Variants in ARFGEF1 observed in about 807,000 individuals in gnomAD.
ARFGEF1 encodes the protein ARF guanine nucleotide exchange factor 1.
In ARFGEF1, 42 loss-of-function variants were observed where a neutral mutation model predicts 231.0. That is an observed-to-expected ratio of 0.18 (90% CI 0.14 to 0.24). ARFGEF1 has a LOEUF of 0.24. ARFGEF1 is among the 10% of genes least tolerant of loss of function. ARFGEF1 has a pLI of 1.00. For synonymous variants in ARFGEF1, 710 were observed against 732.3 expected (o/e 0.97, Z 0.49); for missense variants, 1,345 against 2,192.0 (o/e 0.61, Z 7.72).
At chr8:67,274,306 G>A (rs1805223164) in intron 9 of ARFGEF1, among the ~76,000 whole-genome samples, 1 of 145,546 alleles carries the variant, frequency 6.9e-6, no homozygotes, top group Admixed American at 6.8e-5. Context: ...ATGTAACTAC[G>A]AAAGCTTGAC....
intron 19 of ARFGEF1, 115 bp from the exon 20 acceptor site, chr8:67,240,405 T>C (rs1265859615): frequency 3.9e-6 from 4 of 1,031,418 alleles, no homozygotes; most frequent in Non-Finnish European, 5.4e-6. Context: ...TTGGCAGTTA[T>C]CTAGAAAGCT....
chr8:67,192,510 G>A (rs1836650427), intron 5 of ARFGEF1, among the ~76,000 whole-genome samples: 1 of 151,930 alleles, frequency 6.6e-6, no homozygotes, highest in Admixed American at 6.6e-5. Flanking sequence ...CTTTCTTGAT[G>A]GTGTTCTTTG....
chr8:67,205,198 C>T (rs1242765943), intron 34 of ARFGEF1, among the ~76,000 whole-genome samples: 2 of 152,076 alleles, frequency 1.3e-5, no homozygotes, highest in Admixed American at 6.6e-5. Flanking sequence ...GATTGTAAGT[C>T]GCCCAGCATT....
chr8:67,271,674 T>C, intron 10 of ARFGEF1, 28 bp downstream of exon 10: 1 of 1,456,362 alleles, frequency 6.9e-7, no homozygotes, highest in South Asian at 1.2e-5. Context: ...TATCCAATAG[T>C]AACATTATGC....
intron 15 of ARFGEF1, among the ~76,000 whole-genome samples, chr8:67,259,597 GTAT>G (rs796989939): frequency 6.6e-6 from 1 of 151,838 alleles, no homozygotes; most frequent in African/African-American, 2.4e-5. Flanking sequence ...GTCACAATAT[GTAT>G]TATTAACTTA....
intron 29 of ARFGEF1, 98 bp from the exon 30 acceptor site, chr8:67,219,658 C>CTTA: frequency 7.8e-7 from 1 of 1,286,436 alleles, no homozygotes; most frequent in Non-Finnish European, 1.0e-6. Context: ...AAACAGAAAG[C>CTTA]TTAAAACTAG....
At chr8:67,277,493 C>G in intron 7 of ARFGEF1, 36 bp from the exon 8 acceptor site, 1 of 1,573,492 alleles carries the variant, frequency 6.4e-7, no homozygotes, top group Non-Finnish European at 8.7e-7. Flanking sequence ...GCAAATATAT[C>G]TGACTTAACC....
chr8:67,174,699 A>T (rs1831190097), downstream of ARFGEF1: 1 of 152,312 alleles, frequency 6.6e-6, no homozygotes, highest in African/African-American at 2.4e-5. Flanking sequence ...CAGGAGGCAG[A>T]GCTGGCAGTG....
At chr8:67,263,497 T>C (rs932056643) in intron 14 of ARFGEF1, among the ~76,000 whole-genome samples, 13 of 152,314 alleles carry the variant, frequency 8.5e-5, no homozygotes, top group South Asian at 6.2e-4. Context: ...AGGCCTTCTG[T>C]AATTTAGATC....
Position 67,300,487 on chromosome 8 carries a change from T to A in ARFGEF1, c.312+737A>T, listed in dbSNP as rs745403562. On this transcript the variant is annotated intron_variant, in intron 3 of 38. Coordinates refer to ENST00000262215, the MANE Select transcript of ARFGEF1 (RefSeq NM_006421.5). ...TAAAGTATAGCAGTTAAATATTAAATTATATTAAGCTGCCAATATTAACCT... is the reference window on the plus strand; with the variant it reads ...TAAAGTATAGCAGTTAAATATTAAAATATATTAAGCTGCCAATATTAACCT... Among the ~76,000 whole-genome samples the A allele has an allele frequency of 7.9e-5, 12 of 151,992 alleles. No homozygotes were observed. In the South Asian group the frequency reaches 8.3e-4, roughly 11 times the overall value.
chr8:67,305,487 A>G (rs1298056783), intron 1 of ARFGEF1, among the ~76,000 whole-genome samples: 3 of 152,178 alleles, frequency 2.0e-5, no homozygotes, highest in Non-Finnish European at 4.4e-5. Context: ...AGCTGGGATT[A>G]CAGGCATGCG....
chr8:67,197,724 AT>A lies in ARFGEF1; in HGVS notation c.*1209del. 1.0e-6 allele frequency: 1 copy of A among 985,790 alleles called. No homozygotes were observed. 61.1% of individuals were successfully genotyped at this position (985,790 alleles called of 1,614,324 possible). Reference sequence around the variant, plus strand: ...CTATAACCTGATTAGAATATGCCAGATGGGAATCAATATTGTACAGAAAGTT... The same window carrying A: ...CTATAACCTGATTAGAATATGCCAGAGGGAATCAATATTGTACAGAAAGTT... On this transcript the variant is annotated 3_prime_UTR_variant, in exon 39 of 39. Transcript: ENST00000262215.
intron 20 of ARFGEF1, 97 bp from the exon 21 acceptor site, chr8:67,238,990 T>G: frequency 1.0e-6 from 1 of 969,218 alleles, no homozygotes; most frequent in Non-Finnish European, 1.4e-6. Flanking sequence ...AGTAAGATTT[T>G]GTTTTTTTTT....
intron 5 of ARFGEF1, among the ~76,000 whole-genome samples, chr8:67,192,090 T>TG (rs1836481195): frequency 6.6e-6 from 1 of 151,448 alleles, no homozygotes; most frequent in African/African-American, 2.4e-5. Flanking sequence ...TTTTTTTTTT[T>TG]GATACAGAGT....
intron 1 of ARFGEF1, among the ~76,000 whole-genome samples, chr8:67,329,252 G>A (rs1332875125): frequency 6.6e-6 from 1 of 151,062 alleles, no homozygotes; most frequent in Non-Finnish European, 1.5e-5. Context: ...AAACAATTCA[G>A]GATAAAAATA....
At chr8:67,223,726 A>G (rs117194046) in intron 29 of ARFGEF1, among the ~76,000 whole-genome samples, 1 of 152,208 alleles carries the variant, frequency 6.6e-6, no homozygotes, top group African/African-American at 2.4e-5. Flanking sequence ...ATCCTCCATC[A>G]AACAGACTTC....
At chr8:67,201,355 G>T in intron 37 of ARFGEF1, 112 bp downstream of exon 37, 1 of 1,325,214 alleles carries the variant, frequency 7.5e-7, no homozygotes, top group Non-Finnish European at 1.0e-6. Context: ...TGTGGAATAG[G>T]GGCATCCAGG....
At chr8:67,286,293 C>T (rs1306453124) in intron 7 of ARFGEF1, among the ~76,000 whole-genome samples, 1 of 152,202 alleles carries the variant, frequency 6.6e-6, no homozygotes, top group African/African-American at 2.4e-5. Flanking sequence ...ATAAAGGACA[C>T]ACAGGTGTTC....
At chr8:67,182,995 ATCTTT>A (rs1356799997) in intron 5 of ARFGEF1, among the ~76,000 whole-genome samples, 11 of 152,176 alleles carry the variant, frequency 7.2e-5, no homozygotes, top group African/African-American at 2.7e-4. Flanking sequence ...AGTCCAATTT[ATCTTT>A]TCTTTTGTTG....
Sources: gnomAD v4.1 joint callset for allele counts (sites outside exome capture counted in the v4.1 genomes callset) on GRCh38, gnomAD v4.1.1 for gene constraint, MANE v1.5 for transcripts, NCBI Gene and HGNC (gene_info 2026-07-23, HGNC 2026-07-21) for gene names.